LDLRAD3: variants seen among roughly 807,000 people sequenced by gnomAD.
LDLRAD3 encodes the protein low density lipoprotein receptor class A domain containing 3, also known as low-density lipoprotein receptor class A domain-containing protein 3.
LDLRAD3 carries 20 observed loss-of-function variants against 29.4 expected under a neutral mutation model. The ratio of observed to expected loss-of-function variants is 0.68; its 90% CI spans 0.48 to 0.99. The LOEUF (loss-of-function observed/expected upper bound fraction) is 0.99. LDLRAD3 is among the 50% of genes least tolerant of loss of function. The probability of loss-of-function intolerance (pLI) is 0.00; values close to 1 mark genes in which losing one functional copy is unlikely to be tolerated. For synonymous variants in LDLRAD3, 157 were observed against 192.7 expected (o/e 0.81, Z 1.53); for missense variants, 420 against 454.3 (o/e 0.92, Z 0.69).
intron 4 of LDLRAD3, among the ~76,000 whole-genome samples, chr11:36,142,268 T>A (rs1854097185): frequency 6.6e-6 from 1 of 152,176 alleles, no homozygotes; most frequent in South Asian, 2.1e-4. Context: ...GACTGCAGTC[T>A]CCCTCATTCA....
chr11:36,128,398 A>G (rs1853873786), intron 4 of LDLRAD3, among the ~76,000 whole-genome samples: 1 of 151,772 alleles, frequency 6.6e-6, no homozygotes, highest in African/African-American at 2.4e-5. Context: ...TTACCAAACC[A>G]CCATGCACAG....
chr11:36,223,736 A>T (rs950736638), intron 4 of LDLRAD3, among the ~76,000 whole-genome samples: 3 of 101,484 alleles, frequency 3.0e-5, no homozygotes, highest in Admixed American at 2.3e-4. Flanking sequence ...CATATTAAAC[A>T]TTAAAAAGGA....
chr11:36,126,277 A>G (rs562851694), intron 4 of LDLRAD3, among the ~76,000 whole-genome samples: 1 of 152,178 alleles, frequency 6.6e-6, no homozygotes, highest in East Asian at 1.9e-4. Context: ...ATTGTCCTTC[A>G]GTTCCTGGGC....
At chr11:36,062,551 T>C (rs1405357684) in intron 2 of LDLRAD3, among the ~76,000 whole-genome samples, 1 of 152,102 alleles carries the variant, frequency 6.6e-6, no homozygotes, top group African/African-American at 2.4e-5. Context: ...TTTGGCTGTG[T>C]CCCCACCCAA....
intron 2 of LDLRAD3, among the ~76,000 whole-genome samples, chr11:36,069,915 G>T (rs1852868636): frequency 6.6e-6 from 1 of 152,184 alleles, no homozygotes; most frequent in South Asian, 2.1e-4. Context: ...AAGGCCTCAT[G>T]CTGTAAATAT....
Position 35,992,826 on chromosome 11 carries a change from C to T in LDLRAD3, c.47-43277C>T, listed in dbSNP as rs184845459. ...ATACCAAAAGCCATAGCATTGTATA[C>T]TTTCAATGGGTAAATTGTATAGTGT... On this transcript the variant is annotated intron_variant, in intron 1 of 5. Coordinates refer to ENST00000315571, the MANE Select transcript of LDLRAD3 (RefSeq NM_174902.4). Among the ~76,000 whole-genome samples the T allele has an allele frequency of 1.9e-3, 289 of 152,272 alleles. 2 individuals are homozygous for T. Among genetic ancestry groups the T allele is most frequent in the Middle Eastern group, 0.01 (3 of 294 alleles).
intron 2 of LDLRAD3, among the ~76,000 whole-genome samples, chr11:36,061,430 T>C (rs1415496068): frequency 6.6e-6 from 1 of 152,106 alleles, no homozygotes; most frequent in Non-Finnish European, 1.5e-5. Flanking sequence ...TGTGAGCCAC[T>C]GTGCCTGGCC....
At position 36,213,914 on chromosome 11, in the gene LDLRAD3, C is replaced by T. The variant is rs1590361517; in HGVS notation, c.455-13171C>T. On this transcript the variant is annotated intron_variant, in intron 4 of 5. Transcript: ENST00000315571. This position sits in a 1 kb window ranked among gnomAD's most constrained non-coding sequence, Gnocchi z 4.1. ...AGTGTGAAGGGTCAGACTCTTCGTC[C>T]AGGTAAAAGGAAACTACAGAAGCAA... Among the ~76,000 whole-genome samples, 1 of 152,262 alleles carries T rather than the reference C, an allele frequency of 6.6e-6. No individual in the cohort carries two copies. Among genetic ancestry groups the T allele is most frequent in the East Asian group, 1.9e-4 (1 of 5,180 alleles).
At chr11:36,017,336 A>G (rs541371995) in intron 1 of LDLRAD3, among the ~76,000 whole-genome samples, 20 of 152,316 alleles carry the variant, frequency 1.3e-4, no homozygotes, top group Middle Eastern at 3.4e-3. Flanking sequence ...TCTCATAATA[A>G]GCAGACATTA....
At chr11:35,948,166 C>T (rs185723559) in intron 1 of LDLRAD3, among the ~76,000 whole-genome samples, 20 of 152,162 alleles carry the variant, frequency 1.3e-4, no homozygotes, top group Admixed American at 1.2e-3. Flanking sequence ...TCGTATTCCC[C>T]TCTTAAAATG....
At chr11:36,049,283 T>C (rs1490879893) in intron 2 of LDLRAD3, among the ~76,000 whole-genome samples, 1 of 152,242 alleles carries the variant, frequency 6.6e-6, no homozygotes, top group African/African-American at 2.4e-5. Flanking sequence ...GTCTTTATTT[T>C]TATTTTTTAA....
At chr11:36,158,334 C>T (rs1255172436) in intron 4 of LDLRAD3, among the ~76,000 whole-genome samples, 1 of 152,038 alleles carries the variant, frequency 6.6e-6, no homozygotes, top group African/African-American at 2.4e-5. Flanking sequence ...ACTCTCTCAC[C>T]CCAGGATCTT....
intron 1 of LDLRAD3, among the ~76,000 whole-genome samples, chr11:36,004,558 T>A (rs1257831662): frequency 6.6e-6 from 1 of 152,142 alleles, no homozygotes; most frequent in East Asian, 1.9e-4. Flanking sequence ...AGGTGCATAG[T>A]GCAAGCAATC....
At chr11:36,159,126 C>G (rs899717605) in intron 4 of LDLRAD3, among the ~76,000 whole-genome samples, 1 of 152,112 alleles carries the variant, frequency 6.6e-6, no homozygotes, top group Non-Finnish European at 1.5e-5. Context: ...AGAAGAAGAA[C>G]AGTGAGATAA....
At position 36,161,458 on chromosome 11, in the gene LDLRAD3, T is replaced by C. The variant is rs145418165; in HGVS notation, c.454+62997T>C. 2.3e-3 allele frequency among the ~76,000 whole-genome samples: 351 copies of C among 152,324 alleles called. 1 individual carries two copies. Among genetic ancestry groups the C allele is most frequent in the African/African-American group, 7.9e-3 (330 of 41,568 alleles). On this transcript the variant is annotated intron_variant, in intron 4 of 5. Transcript: ENST00000315571. The stretch of plus-strand genomic sequence containing the variant: ...ATCATATAAATATATGATGTATTTA[T>C]AAATACATACCTGTAGATATATTTC...
chr11:35,973,976 G>A (rs1851447260), intron 1 of LDLRAD3, among the ~76,000 whole-genome samples: 1 of 152,120 alleles, frequency 6.6e-6, no homozygotes, highest in Non-Finnish European at 1.5e-5. Context: ...TAAGAACCAT[G>A]TGTAGTTTCA....
intron 4 of LDLRAD3, among the ~76,000 whole-genome samples, chr11:36,198,924 G>A (rs918418486): frequency 6.6e-6 from 1 of 151,702 alleles, no homozygotes; most frequent in South Asian, 2.1e-4. Context: ...TTTTGGAGAT[G>A]GAGTCTCACT....
At chr11:36,191,548 C>CTCTCTCTCTCTT (rs1358758240) in intron 4 of LDLRAD3, among the ~76,000 whole-genome samples, 233 of 57,680 alleles carry the variant, frequency 4.0e-3, no homozygotes, top group African/African-American at 0.017. Flanking sequence ...GTCTCTCTCT[C>CTCTCTCTCTCTT]TCTCTCTCTC....
chr11:36,078,070 G>T (rs534480702), intron 2 of LDLRAD3, among the ~76,000 whole-genome samples: 1 of 152,218 alleles, frequency 6.6e-6, no homozygotes, highest in African/African-American at 2.4e-5. Flanking sequence ...CAGCAGAGAG[G>T]GTAGCTCCTC....
Sources: gnomAD v4.1 joint callset for allele counts (sites outside exome capture counted in the v4.1 genomes callset) on GRCh38, gnomAD v4.1.1 for gene constraint, Gnocchi (gnomAD v3.1) non-coding constraint, MANE v1.5 for transcripts, NCBI Gene and HGNC (gene_info 2026-07-23, HGNC 2026-07-21) for gene names.